SEL1L: variants seen among roughly 807,000 people sequenced by gnomAD.
SEL1L encodes the protein protein sel-1 homolog 1.
SEL1L carries 52 observed loss-of-function variants against 109.8 expected under a neutral mutation model. The observed-to-expected ratio is 0.47, with a 90% CI of 0.38 to 0.60. The LOEUF is 0.60. SEL1L is among the 20% of genes least tolerant of loss of function. SEL1L has a pLI of 0.00. For missense variants in SEL1L, 749 were observed against 962.2 expected (o/e 0.78, Z 2.93); for synonymous variants, 373 against 339.6 (o/e 1.10, Z -1.08).
intron 19 of SEL1L, 28 bp from the exon 20 acceptor site, chr14:81,479,768 C>A: frequency 6.4e-7 from 1 of 1,552,542 alleles, no homozygotes; most frequent in Non-Finnish European, 8.7e-7. Flanking sequence ...AACAAAAATG[C>A]ATTTCTTGTC....
At chr14:81,498,146 T>C in intron 9 of SEL1L, 100 bp from the exon 10 acceptor site, 1 of 1,221,082 alleles carries the variant, frequency 8.2e-7, no homozygotes, top group Middle Eastern at 2.0e-4. Context: ...GACGAACACA[T>C]TGTTAAAGGA....
intron 11 of SEL1L, among the ~76,000 whole-genome samples, chr14:81,494,472 AG>A (rs951626186): frequency 2.6e-5 from 4 of 152,186 alleles, no homozygotes; most frequent in African/African-American, 9.7e-5. Flanking sequence ...TGATCTTTGT[AG>A]CTCCTTGAAG....
intron 3 of SEL1L, among the ~76,000 whole-genome samples, chr14:81,523,566 G>A (rs1326865555): frequency 6.6e-6 from 1 of 152,024 alleles, no homozygotes; most frequent in Non-Finnish European, 1.5e-5. Context: ...AGAGTCCTAA[G>A]TGCTAGCAAA....
chr14:81,492,025 A>C (rs1348866320), intron 12 of SEL1L, among the ~76,000 whole-genome samples: 2 of 151,740 alleles, frequency 1.3e-5, no homozygotes, highest in African/African-American at 4.8e-5. Context: ...ATGAGCAAAC[A>C]CTATTTTTTT....
Position 81,502,735 on chromosome 14 carries a change from G to C in SEL1L, c.763C>G (p.Pro255Ala), listed in dbSNP as rs969373677. The change falls in exon 6 of 21, where the codon CCC (proline) becomes GCC (alanine). Residue 255 changes from proline (P) to alanine (A), a missense_variant. This residue lies in a region of SEL1L where 366 missense variants were observed against 399.8 expected (regional missense o/e 0.92). Transcript: ENST00000336735. ...AATGTACTTACAGTCTGTCCCTTGG[G>C]AGAGCCTTCCTCAGTCAGCTTCTCA... ...MFEKLTEEGS[P>A]KGQTALGFLY... is the part of the protein sequence containing the mutation. 1 of 1,613,788 alleles carries C rather than the reference G, an allele frequency of 6.2e-7. No individual in the cohort carries two copies. The highest frequency in any genetic ancestry group is 1.7e-5 in the Admixed American group (1 of 60,002).
At chr14:81,521,822 A>G (rs145439403) in intron 3 of SEL1L, among the ~76,000 whole-genome samples, 2 of 152,298 alleles carry the variant, frequency 1.3e-5, no homozygotes, top group African/African-American at 4.8e-5. Context: ...GTAAAACAGC[A>G]TTAGGTGTGT....
At chr14:81,491,846 A>G (rs1231201141) in intron 12 of SEL1L, among the ~76,000 whole-genome samples, 1 of 152,202 alleles carries the variant, frequency 6.6e-6, no homozygotes, top group Non-Finnish European at 1.5e-5. Flanking sequence ...CTGCAGATAA[A>G]TTTCAACAAA....
At chr14:81,530,077 A>G (rs190186471) in intron 1 of SEL1L, among the ~76,000 whole-genome samples, 6 of 152,376 alleles carry the variant, frequency 3.9e-5, no homozygotes, top group Admixed American at 3.3e-4. Flanking sequence ...GTATTAGCTA[A>G]CAAAACTGCA....
chr14:81,488,995 G>C (rs1595507206), intron 14 of SEL1L: 1 of 500,354 alleles, frequency 2.0e-6, no homozygotes, highest in Non-Finnish European at 3.5e-6. Context: ...GTGGGGTAGA[G>C]AGCAGAGATG....
chr14:81,524,797 C>T (rs1028229946), intron 3 of SEL1L, among the ~76,000 whole-genome samples: 2 of 152,010 alleles, frequency 1.3e-5, no homozygotes, highest in Non-Finnish European at 2.9e-5. Context: ...TCTCTTGAAC[C>T]CGGGAGGTGG....
chr14:81,532,973 C>A (rs1957541), intron 1 of SEL1L, among the ~76,000 whole-genome samples: 17,085 of 152,120 alleles, frequency 0.11, 2,467 homozygotes, highest in African/African-American at 0.33. Context: ...CCAGAATAAA[C>A]ATTAGCTAAC....
intron 3 of SEL1L, among the ~76,000 whole-genome samples, chr14:81,510,483 T>TCA (rs1884422279): frequency 9.4e-6 from 1 of 106,374 alleles, no homozygotes; most frequent in East Asian, 2.7e-4. Flanking sequence ...TCTCTCTCTC[T>TCA]CTCTCTCTCT....
At chr14:81,508,603 C>T (rs1441210216) in intron 3 of SEL1L, among the ~76,000 whole-genome samples, 2 of 152,050 alleles carry the variant, frequency 1.3e-5, no homozygotes, top group South Asian at 2.1e-4. Flanking sequence ...AAAAAATTAG[C>T]TGGGTGTGGC....
chr14:81,472,879 C>G lies in SEL1L; in HGVS notation c.*4093G>C, dbSNP rs1903049404. The G allele has an allele frequency of 4.2e-6, 1 of 237,472 alleles. No homozygotes were observed. Among genetic ancestry groups the G allele is most frequent in the Non-Finnish European group, 8.4e-6 (1 of 119,058 alleles). The allele number at this position is 237,472 out of a possible 1,614,324, so 14.7% of individuals were successfully genotyped here. A position where few individuals can be genotyped will look rare whatever the true frequency, so the allele number is the denominator to read the frequency against. ...ATCATTCAGCTTAAAAAAAGTCTGT[C>G]TGGAAAGGTGCTTGGTTGTGGTATA... On this transcript the variant is annotated 3_prime_UTR_variant, in exon 21 of 21. Coordinates refer to ENST00000336735, the MANE Select transcript of SEL1L (RefSeq NM_005065.6).
intron 3 of SEL1L, among the ~76,000 whole-genome samples, chr14:81,513,492 C>A (rs571947710): frequency 6.6e-6 from 1 of 152,046 alleles, no homozygotes; most frequent in East Asian, 1.9e-4. Context: ...ACACTCACCG[C>A]GAGAGTCCGT....
intron 3 of SEL1L, among the ~76,000 whole-genome samples, chr14:81,510,472 ATCTCTCTC>A (rs374089460): frequency 1.3e-3 from 149 of 118,924 alleles, no homozygotes; most frequent in African/African-American, 2.3e-3. Flanking sequence ...TAGAATGCTG[ATCTCTCTC>A]TCTCTCTCTC....
At chr14:81,517,107 TATGATGAATCTCTGG>T (rs1884730698) in intron 3 of SEL1L, among the ~76,000 whole-genome samples, 1 of 152,300 alleles carries the variant, frequency 6.6e-6, no homozygotes, top group African/African-American at 2.4e-5. Context: ...AAGGGCAGAA[TATGATGAATCTCTGG>T]GGCCTGAGTG....
rs756451539 is a variant in SEL1L, at chr14:81,474,839, G to C, written c.*2133C>G. 6.6e-6 allele frequency: 1 copy of C among 152,202 alleles called. No individual in the cohort carries two copies. The highest frequency in any genetic ancestry group is 1.9e-4 in the East Asian group (1 of 5,196). The allele number at this position is 152,202 out of a possible 1,614,324, so 9.4% of individuals were successfully genotyped here. The stretch of plus-strand genomic sequence containing the variant: ...AAGGCAAGTGGTAAACTAATAAGAA[G>C]TGTGTTTTTATATGAACAACAAGAC... On this transcript the variant is annotated 3_prime_UTR_variant, in exon 21 of 21. Coordinates refer to ENST00000336735, the MANE Select transcript of SEL1L (RefSeq NM_005065.6).
In SEL1L at chr14:81,533,715, C is replaced by A; in HGVS notation, c.30G>T (p.Leu10=). ...CCAAGCTCAGCAGCACCGCACACAG[C>A]AGCAGCGTCAGCCCTATCCGGACCC... MRVRIGLTL[L]LCAVLLSLAS... The change falls in exon 1 of 21, where the codon CTG becomes CTT. Residue 10 remains leucine (L), a synonymous_variant. Transcript: ENST00000336735. 6.2e-7 allele frequency: 1 copy of A among 1,613,602 alleles called. No individual in the cohort carries two copies. Among genetic ancestry groups the A allele is most frequent in the African/African-American group, 1.3e-5 (1 of 75,054 alleles).
Sources: allele counts gnomAD v4.1 joint callset (sites outside exome capture counted in the v4.1 genomes callset), GRCh38; gene constraint gnomAD v4.1.1; regional missense constraint gnomAD v4.1.1; transcripts MANE v1.5; gene names NCBI Gene and HGNC (gene_info 2026-07-23, HGNC 2026-07-21).